The following TMEM243 variants were observed in gnomAD, a reference collection of about 807,000 sequenced individuals.
The protein encoded by TMEM243 is MDR1 and mitochondrial taxol resistance associated.
A neutral mutation model predicts 15.0 loss-of-function variants in TMEM243; 20 were observed. The ratio of observed to expected loss-of-function variants is 1.33; its 90% confidence interval spans 0.94 to 1.93. The LOEUF is 1.93. Among genes scored for constraint, TMEM243 ranks in the 30% most tolerant of loss-of-function variants. TMEM243 has a pLI of 0.00. For synonymous variants in TMEM243, 72 were observed against 52.7 expected, an observed-to-expected ratio of 1.37 and a Z score of -1.59; for missense variants, 156 against 142.1, an observed-to-expected ratio of 1.10 and a Z score of -0.50.
rs376505887 is a variant in TMEM243 at position 87,209,541 on chromosome 7, T to A, written c.78+9885A>T. Among the ~76,000 whole-genome samples the A allele has an allele frequency of 3.5e-3, 139 of 39,712 alleles. 2 individuals carry two copies. The highest frequency in any genetic ancestry group is 0.024 in the Middle Eastern group (2 of 84). The allele number at this position is 39,712 out of a possible 152,430, so 26.1% of individuals were successfully genotyped here. A position where few individuals can be genotyped will look rare whatever the true frequency, so the allele number is the denominator to read the frequency against. ...GTGAGAGAGAGAGTGAGAGAGAAAG[T>A]GAGAGACAATGAGAGAGACAATGAG... On this transcript the variant is annotated intron_variant, in intron 1 of 3. Transcript: ENST00000257637.
rs1193355559 is a variant in TMEM243 at position 87,218,000 on chromosome 7, A to G, written c.78+1426T>C. On this transcript the variant is annotated intron_variant, in intron 1 of 3. Transcript: ENST00000257637. ...AAGGTCTGGATCACCCAGAACCCCAATCTATGTGCTGAAGCACGCTGGGGA... is the reference window on the plus strand; with the variant it reads ...AAGGTCTGGATCACCCAGAACCCCAGTCTATGTGCTGAAGCACGCTGGGGA... Among the ~76,000 whole-genome samples the G allele has an allele frequency of 2.0e-5, 3 of 152,390 alleles. No individual in the cohort carries two copies. In the East Asian group the frequency reaches 5.8e-4, roughly 29 times the overall value.
At chr7:87,217,598 C>T (rs2129240956) in intron 1 of TMEM243, among the ~76,000 whole-genome samples, 1 of 152,284 alleles carries the variant, frequency 6.6e-6, no homozygotes, top group African/African-American at 2.4e-5. Context: ...TAGAATTTAT[C>T]TATGTCCAAT....
At chr7:87,202,667 T>C (rs1428859245) in intron 1 of TMEM243, among the ~76,000 whole-genome samples, 2 of 152,184 alleles carry the variant, frequency 1.3e-5, no homozygotes, top group African/African-American at 4.8e-5. Flanking sequence ...CCAATGCTGT[T>C]CACAAAAGAC....
chr7:87,212,817 T>A (rs866888696), intron 1 of TMEM243, among the ~76,000 whole-genome samples: 14 of 152,250 alleles, frequency 9.2e-5, no homozygotes, highest in African/African-American at 3.1e-4. Context: ...TAAGTCATTG[T>A]CCCTAGGGCT....
At chr7:87,220,261 C>G (rs896204196), upstream of TMEM243, 7 of 153,296 alleles carry the variant, frequency 4.6e-5, no homozygotes, top group African/African-American at 1.7e-4. Context: ...CTGCTCTCCC[C>G]GCGCTCTCTG....
At chr7:87,211,852 C>G (rs115444905) in intron 1 of TMEM243, among the ~76,000 whole-genome samples, 1 of 152,148 alleles carries the variant, frequency 6.6e-6, no homozygotes, top group Admixed American at 6.5e-5. Context: ...CTCTAGGACG[C>G]CGCGAATTAT....
chr7:87,201,072 T>A (rs1801770477), intron 1 of TMEM243, among the ~76,000 whole-genome samples: 1 of 152,224 alleles, frequency 6.6e-6, no homozygotes, highest in South Asian at 2.1e-4. Flanking sequence ...CTGAACAGAA[T>A]TCCAACAGAT....
chr7:87,215,530 A>G (rs190107623), intron 1 of TMEM243, among the ~76,000 whole-genome samples: 58 of 152,346 alleles, frequency 3.8e-4, no homozygotes, highest in African/African-American at 1.3e-3. Context: ...GCTACTAAGA[A>G]ATGTAAATTA....
At chr7:87,202,795 C>G (rs2129224885) in intron 1 of TMEM243, among the ~76,000 whole-genome samples, 1 of 152,340 alleles carries the variant, frequency 6.6e-6, no homozygotes, top group African/African-American at 2.4e-5. Context: ...TTCGTAACCT[C>G]AAAAGGATTC....
chr7:87,198,060 A>C lies in TMEM243; in HGVS notation c.130-15T>G, dbSNP rs764260277. 1.2e-6 allele frequency: 2 copies of C among 1,605,524 alleles called. No individual in the cohort carries two copies. Among genetic ancestry groups the C allele is most frequent in the South Asian group, 2.2e-5 (2 of 90,548 alleles). ...ATCAGCGTTACCTGTATGAAGAGAA[A>C]TTATGTAAGGCCTTAACAGTAATTC... On this transcript the variant is annotated splice_polypyrimidine_tract_variant and intron_variant, in intron 2 of 3. Coordinates refer to ENST00000257637, the MANE Select transcript of TMEM243 (RefSeq NM_024315.4).
intron 2 of TMEM243, 41 bp from the exon 3 acceptor site, chr7:87,198,086 C>G (rs1413194264): frequency 6.5e-6 from 10 of 1,545,294 alleles, no homozygotes; most frequent in Admixed American, 3.5e-5. Flanking sequence ...ACAGTAATTC[C>G]AAGACTTGGT....
chr7:87,206,652 T>C (rs73210216), intron 1 of TMEM243, among the ~76,000 whole-genome samples: 5,683 of 152,302 alleles, frequency 0.037, 125 homozygotes, highest in East Asian at 0.065. Context: ...TCATATTACA[T>C]AGAACAGTGC....
intron 1 of TMEM243, among the ~76,000 whole-genome samples, chr7:87,213,883 G>A (rs946618118): frequency 5.3e-5 from 8 of 151,992 alleles, no homozygotes; most frequent in Admixed American, 2.0e-4. Flanking sequence ...CCTCCACAGA[G>A]GGCCTCCCTC....
In TMEM243 at chr7:87,196,294, G is replaced by A. The variant is rs2129214742; in HGVS notation, c.*342C>T. 1 of 183,912 alleles carries A rather than the reference G, an allele frequency of 5.4e-6. No homozygotes were observed. Among genetic ancestry groups the A allele is most frequent in the Non-Finnish European group, 1.1e-5 (1 of 89,278 alleles). 11.4% of individuals were successfully genotyped at this position (183,912 alleles called of 1,614,324 possible). On this transcript the variant is annotated 3_prime_UTR_variant, in exon 4 of 4. Coordinates refer to ENST00000257637, the MANE Select transcript of TMEM243 (RefSeq NM_024315.4). ...TGCCTAGGGAACAATTGTATATTCA[G>A]TTTAACAGAAATAAAAGAATATTTG...
At chr7:87,199,881 A>G (rs1042515235) in intron 1 of TMEM243, among the ~76,000 whole-genome samples, 2 of 152,226 alleles carry the variant, frequency 1.3e-5, no homozygotes, top group Non-Finnish European at 2.9e-5. Context: ...CTAAAAAGGT[A>G]AAGTATGATA....
intron 1 of TMEM243, chr7:87,217,014 T>C (rs1008989725): frequency 2.6e-5 from 4 of 152,240 alleles, no homozygotes; most frequent in African/African-American, 9.6e-5. Context: ...GAAAGCTGAA[T>C]GCCCACCATG....
At chr7:87,211,940 A>C (rs998402111) in intron 1 of TMEM243, among the ~76,000 whole-genome samples, 2 of 152,230 alleles carry the variant, frequency 1.3e-5, no homozygotes, top group Non-Finnish European at 2.9e-5. Flanking sequence ...CGGGATGTGC[A>C]AGAGAAAGCA....
At chr7:87,201,662 T>C (rs1801818094) in intron 1 of TMEM243, among the ~76,000 whole-genome samples, 2 of 152,202 alleles carry the variant, frequency 1.3e-5, no homozygotes, top group African/African-American at 4.8e-5. Flanking sequence ...CTAGAGTACA[T>C]GGAGAAAAGT....
intron 1 of TMEM243, among the ~76,000 whole-genome samples, chr7:87,201,374 C>A (rs1288933463): frequency 6.6e-6 from 1 of 152,204 alleles, no homozygotes; most frequent in Non-Finnish European, 1.5e-5. Context: ...CTGAGACCAA[C>A]TGAATCAGAA....
Sources: allele counts gnomAD v4.1 joint callset (sites outside exome capture counted in the v4.1 genomes callset), GRCh38; gene constraint gnomAD v4.1.1; transcripts MANE v1.5; gene names NCBI Gene and HGNC (gene_info 2026-07-23, HGNC 2026-07-21).